The following NFIX variants were observed in gnomAD, a reference collection of about 807,000 sequenced individuals.
The protein encoded by NFIX is nuclear factor I X.
In NFIX, 2 loss-of-function variants were observed where a neutral mutation model predicts 53.3. The ratio of observed to expected loss-of-function variants is 0.04; its 90% CI spans 0.02 to 0.12. The LOEUF (loss-of-function observed/expected upper bound fraction) is 0.12, where lower values mean the gene tolerates loss of function less well. NFIX is among the 10% of genes least tolerant of loss of function. NFIX has a pLI of 1.00. For missense variants in NFIX, 310 were observed against 674.5 expected, an observed-to-expected ratio of 0.46 and a Z score of 5.99; for synonymous variants, 244 against 289.0, an observed-to-expected ratio of 0.84 and a Z score of 1.58.
chr19:13,046,090 T>G (rs926994407), intron 2 of NFIX, among the ~76,000 whole-genome samples: 2 of 152,168 alleles, frequency 1.3e-5, no homozygotes, highest in East Asian at 3.8e-4. Flanking sequence ...GGATGGAGTG[T>G]AGGAAGCCTC....
At position 13,049,056 on chromosome 19, in the gene NFIX, G is replaced by A. The variant is rs928987094; in HGVS notation, c.559+23504G>A. ...CGCGTCACTGTACCCCAGCCTGGGC[G>A]ACAGAGCAAGACTCTGTCTAAAAAA... is the stretch of plus-strand genomic sequence containing the variant. On this transcript the variant is annotated intron_variant, in intron 2 of 10. Transcript: ENST00000592199. The surrounding 1 kb of genome is among the most constrained non-coding windows in gnomAD (Gnocchi z 4.5). 6.6e-6 allele frequency among the ~76,000 whole-genome samples: 1 copy of A among 151,788 alleles called. No homozygotes were observed. The highest frequency in any genetic ancestry group is 1.5e-5 in the Non-Finnish European group (1 of 67,960).
rs1222715115 is a variant in NFIX at position 13,049,654 on chromosome 19, C to T, written c.560-23393C>T. Among the ~76,000 whole-genome samples, 1 of 150,236 alleles carries T rather than the reference C, an allele frequency of 6.7e-6. No homozygotes were observed. The highest frequency in any genetic ancestry group is 6.7e-5 in the Admixed American group (1 of 15,030). ...TGTCGCCCAGGCTGGAGTGCAGTGG[C>T]GCGATCTCTGCTCACTGCAACCTCT... On this transcript the variant is annotated intron_variant, in intron 2 of 10. Transcript: ENST00000592199. The surrounding 1 kb of genome is among the most constrained non-coding windows in gnomAD (Gnocchi z 4.5).
rs188491430 is a variant in NFIX at position 13,011,119 on chromosome 19, G to C, written c.28-13902G>C. Among the ~76,000 whole-genome samples, 313 of 152,262 alleles carry C rather than the reference G, an allele frequency of 2.1e-3. 6 individuals are homozygous for C. Among genetic ancestry groups the C allele is most frequent in the Admixed American group, 0.011 (171 of 15,298 alleles). Reference sequence around the variant, plus strand: ...ACCATTTCGCCAGGCAGGGATGTAGGGGGAGGCGGGAGCAGCCCTCCCCCT... The same window carrying C: ...ACCATTTCGCCAGGCAGGGATGTAGCGGGAGGCGGGAGCAGCCCTCCCCCT... On this transcript the variant is annotated intron_variant, in intron 1 of 10. Transcript: ENST00000592199. The surrounding 1 kb of genome is among the most constrained non-coding windows in gnomAD (Gnocchi z 6.5).
At chr19:13,058,584 T>C (rs906984913) in intron 2 of NFIX, among the ~76,000 whole-genome samples, 2 of 150,348 alleles carry the variant, frequency 1.3e-5, no homozygotes, top group Admixed American at 6.6e-5. Context: ...CCCCAGCTAA[T>C]TTTTTAGGAG....
rs998385559 is a variant in NFIX, at chr19:13,080,601, G to A, written c.1079-1079G>A. Reference sequence around the variant, plus strand: ...TGCTTGTAATCCCTGTACTTTGGGAGGCCAAGGCAGGAAGACTGCTTGAGG... The same window carrying A: ...TGCTTGTAATCCCTGTACTTTGGGAAGCCAAGGCAGGAAGACTGCTTGAGG... On this transcript the variant is annotated intron_variant, in intron 7 of 10. Transcript: ENST00000592199. Among the ~76,000 whole-genome samples the A allele has an allele frequency of 2.5e-4, 38 of 152,262 alleles. 1 individual carries two copies. Among genetic ancestry groups the A allele is most frequent in the Non-Finnish European group, 5.3e-4 (36 of 68,034 alleles).
Position 13,090,316 on chromosome 19 carries a change from GCCT to G in NFIX, c.1425_1427del (p.Ser476del), listed in dbSNP as rs1568333783. 6.2e-7 allele frequency: 1 copy of G among 1,613,924 alleles called. No individual in the cohort carries two copies. The highest frequency in any genetic ancestry group is 1.1e-5 in the South Asian group (1 of 91,086). On this transcript the variant is annotated inframe_deletion, in exon 10 of 11. Transcript: ENST00000592199. The surrounding 1 kb of genome is among the most constrained non-coding windows in gnomAD (Gnocchi z 6.6). ...CCCCACAGCATTCGCAACGACAGGC[GCCT>G]CCTCTGCCAACCGGTTTGTCAGCAT...
chr19:13,004,868 G>C (rs565366297), intron 1 of NFIX, among the ~76,000 whole-genome samples: 5 of 151,012 alleles, frequency 3.3e-5, no homozygotes, highest in African/African-American at 1.2e-4. Context: ...CCAGGCTAGA[G>C]TGTAGTGGTG....
rs148077277 is a variant in NFIX, at chr19:13,090,941, C to A, written c.1494+551C>A. On this transcript the variant is annotated intron_variant, in intron 10 of 10. Coordinates refer to ENST00000592199, the MANE Select transcript of NFIX (RefSeq NM_001365902.3). The surrounding 1 kb of genome is among the most constrained non-coding windows in gnomAD (Gnocchi z 6.6). ...GGAGTCCTGTTAGGGAGAAGGCCAG[C>A]ATGCTGGAGACCTCATCCTTGCTCC... Among the ~76,000 whole-genome samples, 2 of 152,292 alleles carry A rather than the reference C, an allele frequency of 1.3e-5. No homozygotes were observed. Among genetic ancestry groups the A allele is most frequent in the East Asian group, 3.9e-4 (2 of 5,162 alleles).
Position 13,078,753 on chromosome 19 carries a change from C to T in NFIX, c.1078+18C>T, listed in dbSNP as rs1469256633. ...CAGACCAGGTGAGAAATGGGGGGCC[C>T]CGGAGGGGGGCAGTTGGGGAGGTGG... On this transcript the variant is annotated intron_variant, in intron 7 of 10. Coordinates refer to ENST00000592199, the MANE Select transcript of NFIX (RefSeq NM_001365902.3). This position sits in a 1 kb window ranked among gnomAD's most constrained non-coding sequence, Gnocchi z 4.7. 4 of 1,587,448 alleles carry T rather than the reference C, an allele frequency of 2.5e-6. No homozygotes were observed. In the Admixed American group the frequency reaches 7.0e-5, roughly 28 times the overall value.
rs1045300179 is a variant in NFIX, at chr19:13,005,900, C to T, written c.27+10036C>T. Among the ~76,000 whole-genome samples the T allele has an allele frequency of 7.9e-5, 12 of 152,344 alleles. No homozygotes were observed. Among genetic ancestry groups the T allele is most frequent in the South Asian group, 4.1e-4 (2 of 4,832 alleles). On this transcript the variant is annotated intron_variant, in intron 1 of 10. Coordinates refer to ENST00000592199, the MANE Select transcript of NFIX (RefSeq NM_001365902.3). The surrounding 1 kb of genome is among the most constrained non-coding windows in gnomAD (Gnocchi z 4.7). ...TGCTGGCCAGGCTTGCCCTCACCCC[C>T]GCAGGTCCAAACATCCTCTCCCACA...
intron 6 of NFIX, among the ~76,000 whole-genome samples, chr19:13,075,904 G>A (rs908840360): frequency 1.3e-5 from 2 of 152,198 alleles, no homozygotes; most frequent in African/African-American, 4.8e-5. Context: ...GTGGTATGGC[G>A]GTGGGAAGCA....
chr19:13,019,727 G>GTTTTTTTTTTTTTT (rs201956443), intron 1 of NFIX, among the ~76,000 whole-genome samples: 2 of 124,028 alleles, frequency 1.6e-5, no homozygotes, highest in African/African-American at 3.3e-5. Flanking sequence ...TTTTTTGTTT[G>GTTTTTTTTTTTTTT]TTTGTTTTTT....
intron 2 of NFIX, among the ~76,000 whole-genome samples, chr19:13,029,933 G>T (rs1268898461): frequency 6.6e-6 from 1 of 152,158 alleles, no homozygotes; most frequent in Non-Finnish European, 1.5e-5. Flanking sequence ...CTGCCAAGAC[G>T]GGGCTGGTGC....
At chr19:13,055,840 A>G (rs1599800195) in intron 2 of NFIX, among the ~76,000 whole-genome samples, 1 of 152,036 alleles carries the variant, frequency 6.6e-6, no homozygotes, top group African/African-American at 2.4e-5. Context: ...TGGGTGTGGG[A>G]GCCTGGGTGA....
At chr19:13,054,932 C>G (rs1047292699) in intron 2 of NFIX, among the ~76,000 whole-genome samples, 5 of 152,148 alleles carry the variant, frequency 3.3e-5, no homozygotes, top group Middle Eastern at 3.2e-3. Context: ...GGTTTTCCCC[C>G]CCTCTTGTTA....
rs564801283 is a variant in NFIX, at chr19:13,005,466, C to T, written c.27+9602C>T. 6.6e-4 allele frequency among the ~76,000 whole-genome samples: 100 copies of T among 152,282 alleles called. No individual in the cohort carries two copies. The highest frequency in any genetic ancestry group is 2.3e-3 in the African/African-American group (95 of 41,560). The stretch of plus-strand genomic sequence containing the variant: ...TAGCTGTGTAACTTCAGGCAAGTTG[C>T]TTAACCTCTCTGGGTCTCAATTTCT... On this transcript the variant is annotated intron_variant, in intron 1 of 10. Coordinates refer to ENST00000592199, the MANE Select transcript of NFIX (RefSeq NM_001365902.3). This position sits in a 1 kb window ranked among gnomAD's most constrained non-coding sequence, Gnocchi z 4.7.
Position 13,043,841 on chromosome 19 carries a change from A to G in NFIX, c.559+18289A>G, listed in dbSNP as rs2014800318. Among the ~76,000 whole-genome samples the G allele has an allele frequency of 6.6e-6, 1 of 152,156 alleles. No individual in the cohort carries two copies. The highest frequency in any genetic ancestry group is 1.5e-5 in the Non-Finnish European group (1 of 68,026). On this transcript the variant is annotated intron_variant, in intron 2 of 10. Coordinates refer to ENST00000592199, the MANE Select transcript of NFIX (RefSeq NM_001365902.3). The surrounding 1 kb of genome is among the most constrained non-coding windows in gnomAD (Gnocchi z 4.0). ...TTATTCATCTCGAAAACTGGGCCGT[A>G]GGGCCAGGTGTGGTGGCTCATACCT...
In NFIX at chr19:13,051,678, C is replaced by T. The variant is rs142154047; in HGVS notation, c.560-21369C>T. Among the ~76,000 whole-genome samples the T allele has an allele frequency of 2.0e-4, 31 of 152,290 alleles. No individual in the cohort carries two copies. The East Asian group carries it at 6.0e-3, about 29-fold the overall frequency. On this transcript the variant is annotated intron_variant, in intron 2 of 10. Coordinates refer to ENST00000592199, the MANE Select transcript of NFIX (RefSeq NM_001365902.3). The surrounding 1 kb of genome is among the most constrained non-coding windows in gnomAD (Gnocchi z 5.1). ...GCCCTCCTCCTCCTCCCTTCTTGGCCCTCTCCTCTCCCTGGGCCTCTTCCC... is the reference window on the plus strand; with the variant it reads ...GCCCTCCTCCTCCTCCCTTCTTGGCTCTCTCCTCTCCCTGGGCCTCTTCCC...
chr19:13,020,751 C>T (rs919366504), intron 1 of NFIX, among the ~76,000 whole-genome samples: 13 of 152,260 alleles, frequency 8.5e-5, no homozygotes, highest in South Asian at 4.2e-4. Context: ...CTGATCTCTC[C>T]GCCAGTCCGT....
Sources: allele counts gnomAD v4.1 joint callset (sites outside exome capture counted in the v4.1 genomes callset), GRCh38; gene constraint gnomAD v4.1.1; non-coding constraint Gnocchi (gnomAD v3.1); transcripts MANE v1.5; gene names NCBI Gene and HGNC (gene_info 2026-07-23, HGNC 2026-07-21).